SH3BP5: variants seen among roughly 807,000 people sequenced by gnomAD.
SH3BP5 encodes the protein SH3 domain binding protein 5.
A neutral mutation model predicts 43.3 loss-of-function variants in SH3BP5; 22 were observed. The observed-to-expected ratio is 0.51, with a 90% CI of 0.36 to 0.73. The LOEUF (loss-of-function observed/expected upper bound fraction) is 0.73. Ranked by LOEUF, SH3BP5 falls within the 30% of genes least tolerant of loss-of-function variation. The pLI is 0.00. For synonymous variants in SH3BP5, 255 were observed against 225.8 expected (o/e 1.13, Z -1.16); for missense variants, 529 against 586.9 (o/e 0.90, Z 1.02).
chr3:15,329,116 C>T (rs567943013), intron 2 of SH3BP5, among the ~76,000 whole-genome samples: 8 of 151,822 alleles, frequency 5.3e-5, no homozygotes, highest in South Asian at 2.1e-4. Context: ...CACCACTGCA[C>T]CCCAGCCTGG....
chr3:15,269,957 G>T (rs1287468), intron 3 of SH3BP5, 80 bp from the exon 4 acceptor site: 649,585 of 1,255,506 alleles, frequency 0.52, 177,114 homozygotes, highest in Middle Eastern at 0.56. Flanking sequence ...CAAAAAATAA[G>T]CATCCCAAGG....
intron 6 of SH3BP5, 142 bp downstream of exon 6, chr3:15,259,619 T>G: frequency 1.2e-6 from 1 of 834,292 alleles, no homozygotes; most frequent in South Asian, 1.3e-5. Context: ...GAGACAATTT[T>G]GAGGTCTGAA....
intron 2 of SH3BP5, among the ~76,000 whole-genome samples, chr3:15,308,770 A>C (rs573797481): frequency 6.6e-6 from 1 of 152,172 alleles, no homozygotes; most frequent in Non-Finnish European, 1.5e-5. Context: ...TCCCTCTGCT[A>C]TTCTCTACTT....
chr3:15,257,230 G>A (rs1696244202), intron 7 of SH3BP5, 117 bp from the exon 8 acceptor site: 6 of 1,043,100 alleles, frequency 5.8e-6, no homozygotes, highest in Non-Finnish European at 7.0e-6. Context: ...CTCTACCTCT[G>A]TGAGTGCCTA....
chr3:15,320,225 T>C (rs897566085), intron 2 of SH3BP5, among the ~76,000 whole-genome samples: 2 of 152,064 alleles, frequency 1.3e-5, no homozygotes, highest in African/African-American at 4.8e-5. Context: ...GCTGCAGTTA[T>C]AATAAACAGC....
At position 15,285,659 on chromosome 3, in the gene SH3BP5, T is replaced by C. The variant is rs79643454; in HGVS notation, c.331-15782A>G. Among the ~76,000 whole-genome samples, 52 of 152,348 alleles carry C rather than the reference T, an allele frequency of 3.4e-4. 1 individual carries two copies. In the East Asian group the frequency reaches 9.3e-3, roughly 27 times the overall value. The stretch of plus-strand genomic sequence containing the variant: ...TCTTCTCAACAAGACTGCAAACTCT[T>C]TGAAGGCACCGTGAGTCCTCACCAC... On this transcript the variant is annotated intron_variant, in intron 3 of 8. Coordinates refer to ENST00000383791, the MANE Select transcript of SH3BP5 (RefSeq NM_004844.5).
intron 2 of SH3BP5, among the ~76,000 whole-genome samples, chr3:15,322,739 G>A (rs1349156163): frequency 6.6e-6 from 1 of 152,208 alleles, no homozygotes; most frequent in Admixed American, 6.5e-5. Flanking sequence ...GGAGACTGAG[G>A]TGGGAGGATC....
chr3:15,327,756 A>C (rs1415247307), intron 2 of SH3BP5, among the ~76,000 whole-genome samples: 1 of 152,232 alleles, frequency 6.6e-6, no homozygotes, highest in Non-Finnish European at 1.5e-5. Context: ...GAAGGGTGAA[A>C]TCCCACCTGG....
intron 4 of SH3BP5, among the ~76,000 whole-genome samples, chr3:15,266,972 C>T (rs557520088): frequency 6.6e-6 from 1 of 152,370 alleles, no homozygotes; most frequent in East Asian, 1.9e-4. Flanking sequence ...TTCTTCAAGA[C>T]AGCCCTGGGC....
chr3:15,277,874 G>T (rs1167130737), intron 3 of SH3BP5, among the ~76,000 whole-genome samples: 1 of 152,220 alleles, frequency 6.6e-6, no homozygotes, highest in Non-Finnish European at 1.5e-5. Flanking sequence ...CCCCCTGGAT[G>T]CCTGGACATG....
At chr3:15,257,791 C>T (rs1299077562) in intron 7 of SH3BP5, among the ~76,000 whole-genome samples, 2 of 152,226 alleles carry the variant, frequency 1.3e-5, no homozygotes, top group African/African-American at 4.8e-5. Flanking sequence ...TTTCCCTCAG[C>T]CTGCCCACAA....
At chr3:15,259,476 G>A in intron 6 of SH3BP5, 1 of 559,434 alleles carries the variant, frequency 1.8e-6, no homozygotes, top group South Asian at 2.0e-5. Flanking sequence ...AGTGGGACCT[G>A]GTCTATCAGG....
Position 15,256,057 on chromosome 3 carries a change from T to C in SH3BP5, c.*29A>G, listed in dbSNP as rs753016492. ...CTCCAGTTCCATGTATAAATGTTGA[T>C]ATGCACATCGGCCAGGGCCCAGGAT... is the stretch of plus-strand genomic sequence containing the variant. On this transcript the variant is annotated 3_prime_UTR_variant, in exon 9 of 9. Coordinates refer to ENST00000383791, the MANE Select transcript of SH3BP5 (RefSeq NM_004844.5). 5.2e-6 allele frequency: 8 copies of C among 1,526,964 alleles called. No homozygotes were observed. In the South Asian group the frequency reaches 8.0e-5, roughly 15 times the overall value. The allele number at this position is 1,526,964 out of a possible 1,614,324, so 94.6% of individuals were successfully genotyped here. A position where few individuals can be genotyped will look rare whatever the true frequency, so the allele number is the denominator to read the frequency against.
chr3:15,297,176 T>C (rs2125102651), intron 3 of SH3BP5, among the ~76,000 whole-genome samples: 1 of 152,320 alleles, frequency 6.6e-6, no homozygotes, highest in East Asian at 1.9e-4. Flanking sequence ...ACACTATCCC[T>C]TTGGGCACAG....
upstream of SH3BP5, among the ~76,000 whole-genome samples, chr3:15,334,427 T>C (rs1000498042): frequency 2.0e-5 from 3 of 151,898 alleles, no homozygotes; most frequent in Non-Finnish European, 4.4e-5. Context: ...ATTAAAAAAA[T>C]GCATATTTAA....
Position 15,296,999 on chromosome 3 carries a change from G to C in SH3BP5, c.330+7104C>G, listed in dbSNP as rs917918141. On this transcript the variant is annotated intron_variant, in intron 3 of 8. Transcript: ENST00000383791. ...GGCATGAGCCACCACTCCTGGCCAT[G>C]GCAGGCTTTCTACAAACAAAATCAA... Among the ~76,000 whole-genome samples the C allele has an allele frequency of 4.6e-5, 7 of 152,064 alleles. 1 individual carries two copies. The highest frequency in any genetic ancestry group is 1.7e-4 in the African/African-American group (7 of 41,452).
At chr3:15,323,959 G>T (rs1222636206) in intron 2 of SH3BP5, among the ~76,000 whole-genome samples, 4 of 152,130 alleles carry the variant, frequency 2.6e-5, no homozygotes, top group Non-Finnish European at 5.9e-5. Context: ...AGTATGGGGG[G>T]ACCACTGAAG....
At chr3:15,300,203 T>C (rs184746804) in intron 3 of SH3BP5, among the ~76,000 whole-genome samples, 4,604 of 149,736 alleles carry the variant, frequency 0.031, 97 homozygotes, top group South Asian at 0.043. Flanking sequence ...ATTATTTTCT[T>C]CTGTCTATTT....
chr3:15,326,393 C>G (rs1017309696), intron 2 of SH3BP5, among the ~76,000 whole-genome samples: 5 of 152,224 alleles, frequency 3.3e-5, no homozygotes, highest in African/African-American at 1.2e-4. Flanking sequence ...AGCGTGAGAG[C>G]ACGTTAGCAG....
Sources: gnomAD v4.1 joint callset for allele counts (sites outside exome capture counted in the v4.1 genomes callset) on GRCh38, gnomAD v4.1.1 for gene constraint, MANE v1.5 for transcripts, NCBI Gene and HGNC (gene_info 2026-07-23, HGNC 2026-07-21) for gene names.